Variants in RERE observed in about 807,000 individuals in gnomAD.
The protein encoded by RERE is arginine-glutamic acid dipeptide repeats.
A neutral mutation model predicts 146.1 loss-of-function variants in RERE; 40 were observed. That is an observed-to-expected ratio of 0.27 (90% CI 0.21 to 0.36). The LOEUF is 0.36. Ranked by LOEUF, RERE falls within the 10% of genes least tolerant of loss-of-function variation. RERE has a pLI of 1.00. For synonymous variants in RERE, 1,003 were observed against 866.0 expected (o/e 1.16, Z -2.78); for missense variants, 1,933 against 2,138.7 (o/e 0.90, Z 1.90).
chr1:8,797,248 C>T (rs1641493828), intron 1 of RERE, among the ~76,000 whole-genome samples: 1 of 151,956 alleles, frequency 6.6e-6, no homozygotes, highest in Non-Finnish European at 1.5e-5. Context: ...ATCAGTCAAA[C>T]AAATTACTGG....
intron 10 of RERE, among the ~76,000 whole-genome samples, chr1:8,488,406 C>T (rs990577171): frequency 2.0e-4 from 31 of 152,006 alleles, no homozygotes; most frequent in African/African-American, 6.8e-4. Flanking sequence ...CCACCATGCC[C>T]GGCTAATTTT....
At position 8,360,746 on chromosome 1, in the gene RERE, C is replaced by G; in HGVS notation, c.2761G>C (p.Ala921Pro). 1.3e-6 allele frequency: 2 copies of G among 1,599,428 alleles called. No homozygotes were observed. Among genetic ancestry groups the G allele is most frequent in the Non-Finnish European group, 1.7e-6 (2 of 1,176,084 alleles). The change falls in exon 18 of 23, where the codon GCG (alanine) becomes CCG (proline). Residue 921 changes from alanine to proline, a missense_variant. Around this residue, in one of 11 missense-constraint regions of RERE, gnomAD observed 1,255 missense variants for 1,153.8 expected, o/e 1.09. Coordinates refer to ENST00000400908, the MANE Select transcript of RERE (RefSeq NM_001042681.2). Reference protein sequence around the residue: ...QPPREQPLPPAPLAMPHIKPP... With the variant: ...QPPREQPLPPPPLAMPHIKPP... Reference sequence around the variant, plus strand: ...TTGATGTGGGGCATGGCCAAGGGCGCTGGTGGCAGGGGCTGCTCCCGTGGA... The same window carrying G: ...TTGATGTGGGGCATGGCCAAGGGCGGTGGTGGCAGGGGCTGCTCCCGTGGA...
chr1:8,489,382 T>A (rs560939210), intron 10 of RERE, among the ~76,000 whole-genome samples: 21 of 150,416 alleles, frequency 1.4e-4, no homozygotes, highest in African/African-American at 3.2e-4. Flanking sequence ...GAAAAAAAAA[T>A]TTTTTTAAAA....
At chr1:8,580,645 G>T (rs1296093309) in intron 4 of RERE, among the ~76,000 whole-genome samples, 1 of 152,126 alleles carries the variant, frequency 6.6e-6, no homozygotes, top group Non-Finnish European at 1.5e-5. Flanking sequence ...TATCACTCCA[G>T]AAAGTTCTCT....
At chr1:8,609,287 AG>A (rs1646761604) in intron 4 of RERE, among the ~76,000 whole-genome samples, 1 of 152,092 alleles carries the variant, frequency 6.6e-6, no homozygotes, top group African/African-American at 2.4e-5. Context: ...TCCAGGTGAA[AG>A]GAACAGAGCT....
At position 8,800,624 on chromosome 1, in the gene RERE, T is replaced by C. The variant is rs991245323; in HGVS notation, c.-145+16536A>G. 3.3e-5 allele frequency among the ~76,000 whole-genome samples: 5 copies of C among 151,922 alleles called. No individual in the cohort carries two copies. The South Asian group carries it at 6.2e-4, about 19-fold the overall frequency. ...GTTAAGAGGCTGCAGTGAGCTATGATTGCGCCACCACACTCCAGCCTGAGA... is the reference window on the plus strand; with the variant it reads ...GTTAAGAGGCTGCAGTGAGCTATGACTGCGCCACCACACTCCAGCCTGAGA... On this transcript the variant is annotated intron_variant, in intron 1 of 22. Coordinates refer to ENST00000400908, the MANE Select transcript of RERE (RefSeq NM_001042681.2).
intron 11 of RERE, chr1:8,424,832 G>C (rs1285823379): frequency 6.6e-6 from 1 of 152,656 alleles, no homozygotes; most frequent in Non-Finnish European, 1.5e-5. Context: ...AAGAGTGTGA[G>C]CCTGCCAGGT....
At chr1:8,556,988 A>T (rs1646015457) in intron 5 of RERE, among the ~76,000 whole-genome samples, 1 of 152,064 alleles carries the variant, frequency 6.6e-6, no homozygotes, top group South Asian at 2.1e-4. Flanking sequence ...TTAACAAGGA[A>T]CTATAATTTA....
rs532744483 is a variant in RERE at position 8,692,450 on chromosome 1, G to A, written c.-144-36009C>T. ...GCAACTTCTGCCTCCCATTTCAAGC[G>A]ATTCTTCCGCCCCAGACTCCCGAGT... On this transcript the variant is annotated intron_variant, in intron 1 of 22. Transcript: ENST00000400908. Among the ~76,000 whole-genome samples, 23 of 151,510 alleles carry A rather than the reference G, an allele frequency of 1.5e-4. No individual in the cohort carries two copies. The South Asian group carries it at 3.8e-3, about 25-fold the overall frequency.
rs34872965 is a variant in RERE, at chr1:8,736,851, GAAAAAAA to G, written c.-145+80302_-145+80308del. Among the ~76,000 whole-genome samples the G allele has an allele frequency of 8.0e-5, 8 of 99,808 alleles. No individual in the cohort carries two copies. In the Admixed American group the frequency reaches 8.4e-4, roughly 10 times the overall value. The allele number at this position is 99,808 out of a possible 152,430, so 65.5% of individuals were successfully genotyped here. ...TGTTACCTCTAGGAGAAGCAAGGGGGAAAAAAAAAAAAAAAAAAAAAAAACTAAAACC... is the reference window on the plus strand; with the variant it reads ...TGTTACCTCTAGGAGAAGCAAGGGGGAAAAAAAAAAAAAAAAACTAAAACC... On this transcript the variant is annotated intron_variant, in intron 1 of 22. Transcript: ENST00000400908.
chr1:8,425,806 T>C (rs1215994479), intron 11 of RERE: 1 of 152,282 alleles, frequency 6.6e-6, no homozygotes, highest in Non-Finnish European at 1.5e-5. Flanking sequence ...CTTCCATTTA[T>C]TGTGATGCAA....
intron 4 of RERE, among the ~76,000 whole-genome samples, chr1:8,586,290 T>C (rs1646427371): frequency 6.6e-6 from 1 of 152,208 alleles, no homozygotes; most frequent in African/African-American, 2.4e-5. Context: ...TATAATGGAA[T>C]ATAATTACTG....
intron 1 of RERE, among the ~76,000 whole-genome samples, chr1:8,785,711 T>C (rs1312066818): frequency 1.3e-5 from 2 of 152,086 alleles, no homozygotes; most frequent in African/African-American, 4.8e-5. Flanking sequence ...AACCTCCGCC[T>C]CCCGGGTTCA....
intron 1 of RERE, among the ~76,000 whole-genome samples, chr1:8,775,759 T>G (rs1057292004): frequency 3.3e-5 from 5 of 152,184 alleles, no homozygotes; most frequent in African/African-American, 1.2e-4. Flanking sequence ...TGATAAACAA[T>G]GGAATATTTT....
intron 10 of RERE, among the ~76,000 whole-genome samples, chr1:8,480,138 T>G (rs796889686): frequency 0.047 from 5,059 of 108,562 alleles, 303 homozygotes; most frequent in African/African-American, 0.17. Flanking sequence ...GTTTTTTTTT[T>G]TTTTGTTTTT....
intron 10 of RERE, among the ~76,000 whole-genome samples, chr1:8,485,349 G>A (rs927599878): frequency 4.6e-5 from 7 of 151,920 alleles, no homozygotes; most frequent in East Asian, 1.9e-4. Flanking sequence ...GAACAACAGC[G>A]AAACTCTGTC....
chr1:8,422,524 T>G (rs1557624296), intron 12 of RERE, among the ~76,000 whole-genome samples: 1 of 152,252 alleles, frequency 6.6e-6, no homozygotes, highest in Non-Finnish European at 1.5e-5. Flanking sequence ...TCCAGGCGGA[T>G]AAGCATAATC....
chr1:8,419,943 G>T (rs1461957017), intron 12 of RERE, among the ~76,000 whole-genome samples: 3 of 152,186 alleles, frequency 2.0e-5, no homozygotes. Context: ...ACTTCCCAGT[G>T]TTGTCAAGAT....
rs1641230616 is a variant in RERE at position 8,354,971 on chromosome 1, A to G, written c.*116T>C. The G allele has an allele frequency of 4.8e-6, 4 of 829,246 alleles. No homozygotes were observed. In the East Asian group the frequency reaches 1.1e-4, roughly 22 times the overall value. 51.4% of individuals were successfully genotyped at this position (829,246 alleles called of 1,614,324 possible). On this transcript the variant is annotated 3_prime_UTR_variant, in exon 23 of 23. Coordinates refer to ENST00000400908, the MANE Select transcript of RERE (RefSeq NM_001042681.2). ...TTTAGTTGTGGGTTTTTAAATATAT[A>G]AAGAAATCTTTAGAAGATATTCTTT...
Sources: allele counts gnomAD v4.1 joint callset (sites outside exome capture counted in the v4.1 genomes callset), GRCh38; gene constraint gnomAD v4.1.1; regional missense constraint gnomAD v4.1.1; transcripts MANE v1.5; gene names NCBI Gene and HGNC (gene_info 2026-07-23, HGNC 2026-07-21).